The following BEND6 variants were observed in gnomAD, a reference collection of about 807,000 sequenced individuals.
BEND6 encodes BEN domain containing 6.
A neutral mutation model predicts 31.8 loss-of-function variants in BEND6; 24 were observed. The ratio of observed to expected loss-of-function variants is 0.75; its 90% CI spans 0.55 to 1.06. The LOEUF (loss-of-function observed/expected upper bound fraction) is 1.06, where lower values mean the gene tolerates loss of function less well. Among genes scored for constraint, BEND6 ranks in the 50% least tolerant of loss-of-function variants. The probability of loss-of-function intolerance (pLI) is 0.00; values close to 1 mark genes in which losing one functional copy is unlikely to be tolerated. For missense variants in BEND6, 294 were observed against 327.4 expected (o/e 0.90, Z 0.79); for synonymous variants, 109 against 114.6 (o/e 0.95, Z 0.31).
chr6:56,984,585 T>C (rs1826190394), intron 2 of BEND6, among the ~76,000 whole-genome samples: 1 of 152,264 alleles, frequency 6.6e-6, no homozygotes, highest in Non-Finnish European at 1.5e-5. Flanking sequence ...TAGGCCGGTA[T>C]TGTGGCTTCT....
chr6:56,963,575 A>C (rs916731002), intron 1 of BEND6, among the ~76,000 whole-genome samples: 31 of 152,242 alleles, frequency 2.0e-4, no homozygotes, highest in Admixed American at 1.0e-3. Context: ...GTCCTTTATA[A>C]AAGAGAAAGC....
intron 3 of BEND6, among the ~76,000 whole-genome samples, chr6:56,994,457 CAAAAAAAAAAAA>C (rs67871242): frequency 2.4e-4 from 13 of 54,864 alleles, no homozygotes; most frequent in African/African-American, 9.5e-4. Flanking sequence ...GACTCCATCT[CAAAAAAAAAAAA>C]AAAAAAAAAA....
intron 3 of BEND6, among the ~76,000 whole-genome samples, chr6:57,012,925 C>T (rs972844085): frequency 1.6e-4 from 24 of 152,102 alleles, no homozygotes; most frequent in East Asian, 5.8e-4. Flanking sequence ...GTGCCTCTAA[C>T]GACCCCCTCA....
At chr6:56,969,994 G>A (rs1030646826) in intron 1 of BEND6, among the ~76,000 whole-genome samples, 1 of 152,044 alleles carries the variant, frequency 6.6e-6, no homozygotes, top group African/African-American at 2.4e-5. Flanking sequence ...GCTATGACCA[G>A]CACTTTTTTT....
At chr6:56,962,589 C>T (rs1043313418) in intron 1 of BEND6, among the ~76,000 whole-genome samples, 2 of 152,204 alleles carry the variant, frequency 1.3e-5, no homozygotes, top group Admixed American at 6.5e-5. Flanking sequence ...GTGCCTCAGA[C>T]CCCCCTCTGG....
At position 56,979,035 on chromosome 6, in the gene BEND6, C is replaced by T. The variant is rs925478941; in HGVS notation, c.-100-2676C>T. Among the ~76,000 whole-genome samples, 3 of 152,296 alleles carry T rather than the reference C, an allele frequency of 2.0e-5. No homozygotes were observed. The South Asian group carries it at 6.2e-4, about 32-fold the overall frequency. On this transcript the variant is annotated intron_variant, in intron 1 of 6. Transcript: ENST00000370746. Reference sequence around the variant, plus strand: ...TCAAAAGTTAAAACAAAATGTGAGACTTCATCCCCACTCAGATTTGCAATG... The same window carrying T: ...TCAAAAGTTAAAACAAAATGTGAGATTTCATCCCCACTCAGATTTGCAATG...
chr6:57,011,433 T>C (rs28498151), intron 3 of BEND6, among the ~76,000 whole-genome samples: 8,596 of 152,128 alleles, frequency 0.057, 379 homozygotes, highest in East Asian at 0.18. Context: ...GCTTTGTTTG[T>C]AATAAAGAAA....
chr6:57,014,541 A>T (rs1233815090), intron 3 of BEND6: 2 of 1,489,298 alleles, frequency 1.3e-6, no homozygotes, highest in African/African-American at 2.9e-5. Flanking sequence ...TTTCCATTTG[A>T]AAAAAGGAAC....
chr6:57,000,360 G>A (rs972653123), intron 3 of BEND6, among the ~76,000 whole-genome samples: 19 of 152,066 alleles, frequency 1.2e-4, no homozygotes, highest in Non-Finnish European at 2.5e-4. Flanking sequence ...TGCAAGATGT[G>A]CTTTGTTAAA....
At chr6:56,963,636 A>G (rs1825362971) in intron 1 of BEND6, among the ~76,000 whole-genome samples, 2 of 152,010 alleles carry the variant, frequency 1.3e-5, no homozygotes, top group South Asian at 4.1e-4. Flanking sequence ...TTTGTCTAAT[A>G]TAGACTCATA....
At chr6:57,012,526 T>G (rs1054194899) in intron 3 of BEND6, among the ~76,000 whole-genome samples, 2 of 152,172 alleles carry the variant, frequency 1.3e-5, no homozygotes, top group Non-Finnish European at 2.9e-5. Flanking sequence ...ACGCATCCCC[T>G]TTACCTATGT....
rs953466837 is a variant in BEND6 at position 57,015,243 on chromosome 6, A to G, written c.409A>G (p.Asn137Asp). Residue 137 changes from asparagine (N) to aspartate (D), a missense_variant, in exon 4 of 7, where the codon AAC becomes GAC. By Grantham distance (23) the Asn-to-Asp change is conservative. Coordinates refer to ENST00000370746, the MANE Select transcript of BEND6 (RefSeq NM_152731.3). ...TSASTLWRAT[N>D]NSSPDSFAST... ...TGCATCCACCCTCTGGAGAGCAACAAACAACTCCTCGCCAGATTCATTTGC... is the reference window on the plus strand; with the variant it reads ...TGCATCCACCCTCTGGAGAGCAACAGACAACTCCTCGCCAGATTCATTTGC... 1.2e-6 allele frequency: 2 copies of G among 1,614,046 alleles called. No homozygotes were observed. Among genetic ancestry groups the G allele is most frequent in the African/African-American group, 1.3e-5 (1 of 74,900 alleles).
At chr6:56,985,894 A>G (rs1479335232) in intron 2 of BEND6, among the ~76,000 whole-genome samples, 2 of 152,178 alleles carry the variant, frequency 1.3e-5, no homozygotes. Flanking sequence ...TATTACAAAT[A>G]TATTCTCCCA....
At chr6:56,978,413 C>G (rs1373841680) in intron 1 of BEND6, among the ~76,000 whole-genome samples, 1 of 152,148 alleles carries the variant, frequency 6.6e-6, no homozygotes, top group African/African-American at 2.4e-5. Flanking sequence ...AACCCTATGC[C>G]AATTTCCTCT....
chr6:57,003,035 GC>G (rs1562552480), intron 3 of BEND6, among the ~76,000 whole-genome samples: 2 of 151,998 alleles, frequency 1.3e-5, no homozygotes, highest in African/African-American at 4.8e-5. Context: ...TACAACTGAC[GC>G]CACAGAAATA....
At chr6:56,991,765 C>T (rs907002407) in intron 2 of BEND6, among the ~76,000 whole-genome samples, 1 of 151,902 alleles carries the variant, frequency 6.6e-6, no homozygotes, top group Admixed American at 6.6e-5. Flanking sequence ...ATGAACACAC[C>T]CATATAAAAA....
chr6:57,006,618 G>C (rs535681081), intron 3 of BEND6, among the ~76,000 whole-genome samples: 95 of 152,300 alleles, frequency 6.2e-4, no homozygotes, highest in African/African-American at 2.1e-3. Flanking sequence ...GGAAGTACTG[G>C]TTTGAACACA....
intron 6 of BEND6, among the ~76,000 whole-genome samples, chr6:57,022,308 C>T (rs910715643): frequency 6.6e-6 from 1 of 151,478 alleles, no homozygotes; most frequent in Non-Finnish European, 1.5e-5. Flanking sequence ...CTTGTTACTC[C>T]CTATTGATTT....
intron 1 of BEND6, among the ~76,000 whole-genome samples, chr6:56,957,611 A>G (rs1190462787): frequency 6.6e-6 from 1 of 152,218 alleles, no homozygotes; most frequent in African/African-American, 2.4e-5. Context: ...TTGACATTGT[A>G]TAAAAGTCAC....
Sources: gnomAD v4.1 joint callset for allele counts (sites outside exome capture counted in the v4.1 genomes callset) on GRCh38, gnomAD v4.1.1 for gene constraint, MANE v1.5 for transcripts, NCBI Gene and HGNC (gene_info 2026-07-23, HGNC 2026-07-21) for gene names.